KLHL3: variants seen among roughly 807,000 people sequenced by gnomAD.
KLHL3 encodes kelch like family member 3, also known as kelch-like protein 3.
In KLHL3, 19 loss-of-function variants were observed where a neutral mutation model predicts 70.5. The observed-to-expected ratio is 0.27, with a 90% CI of 0.19 to 0.40. KLHL3 has a LOEUF of 0.40. Among genes scored for constraint, KLHL3 ranks in the 10% least tolerant of loss-of-function variants. The pLI is 1.00. For synonymous variants in KLHL3, 258 were observed against 290.3 expected, an observed-to-expected ratio of 0.89 and a Z score of 1.13; for missense variants, 512 against 771.1, an observed-to-expected ratio of 0.66 and a Z score of 3.98.
intron 4 of KLHL3, among the ~76,000 whole-genome samples, chr5:137,695,656 C>T (rs1253877873): frequency 6.6e-6 from 1 of 152,128 alleles, no homozygotes; most frequent in Non-Finnish European, 1.5e-5. Context: ...AGCAATACAT[C>T]CATGAAATGA....
At chr5:137,663,134 T>C (rs1302373196) in intron 6 of KLHL3, among the ~76,000 whole-genome samples, 2 of 145,374 alleles carry the variant, frequency 1.4e-5, no homozygotes, top group Non-Finnish European at 3.0e-5. Flanking sequence ...CTTGGCTCAC[T>C]GCAACCTCCA....
chr5:137,727,621 A>ATTCCCCAC (rs1227746905), intron 1 of KLHL3, among the ~76,000 whole-genome samples: 1 of 152,078 alleles, frequency 6.6e-6, no homozygotes, highest in Non-Finnish European at 1.5e-5. Flanking sequence ...GTTCTATCTT[A>ATTCCCCAC]TTCCCCACTC....
intron 5 of KLHL3, among the ~76,000 whole-genome samples, chr5:137,688,459 A>C (rs1752242112): frequency 6.6e-6 from 1 of 152,244 alleles, no homozygotes; most frequent in Non-Finnish European, 1.5e-5. Flanking sequence ...AGATGATGAC[A>C]TACCCTGTGT....
intron 5 of KLHL3, among the ~76,000 whole-genome samples, chr5:137,686,561 C>T (rs1752167814): frequency 1.3e-5 from 2 of 152,214 alleles, no homozygotes; most frequent in South Asian, 4.1e-4. Context: ...GGCCTGGGTC[C>T]AGGGAGACCT....
intron 5 of KLHL3, among the ~76,000 whole-genome samples, chr5:137,687,148 C>T (rs1315439724): frequency 1.1e-3 from 76 of 69,278 alleles, no homozygotes; most frequent in African/African-American, 4.2e-3. Flanking sequence ...CCTGGCCAGC[C>T]GCCCCGTCCG....
At chr5:137,699,291 T>C (rs116611637) in intron 3 of KLHL3, among the ~76,000 whole-genome samples, 3,207 of 151,918 alleles carry the variant, frequency 0.021, 117 homozygotes, top group African/African-American at 0.073. Flanking sequence ...AAGAATAAAT[T>C]TTGGTGAAAT....
At chr5:137,677,196 C>T (rs1430324591) in intron 6 of KLHL3, among the ~76,000 whole-genome samples, 1 of 152,084 alleles carries the variant, frequency 6.6e-6, no homozygotes, top group African/African-American at 2.4e-5. Flanking sequence ...CCTGTCATCC[C>T]AGCATTTTGG....
intron 8 of KLHL3, among the ~76,000 whole-genome samples, chr5:137,654,130 C>G (rs546717080): frequency 6.6e-6 from 1 of 152,176 alleles, no homozygotes; most frequent in Non-Finnish European, 1.5e-5. Flanking sequence ...CACATGGAAA[C>G]TTTTTGTAGT....
At chr5:137,705,238 A>G (rs1477782969) in intron 3 of KLHL3, among the ~76,000 whole-genome samples, 1 of 152,226 alleles carries the variant, frequency 6.6e-6, no homozygotes, top group Non-Finnish European at 1.5e-5. Context: ...TATACCACAC[A>G]AACACTAGAA....
At chr5:137,662,094 A>G in intron 6 of KLHL3, 63 bp from the exon 7 acceptor site, 1 of 561,982 alleles carries the variant, frequency 1.8e-6, no homozygotes, top group South Asian at 2.8e-5. Flanking sequence ...ACAACCCTCA[A>G]TCTGTAAAAA....
chr5:137,724,848 T>C (rs993454955), intron 1 of KLHL3, among the ~76,000 whole-genome samples: 3 of 152,154 alleles, frequency 2.0e-5, no homozygotes, highest in African/African-American at 7.2e-5. Flanking sequence ...CAAAAATTCT[T>C]CACAAGACTG....
At chr5:137,706,928 G>C (rs1258445828) in intron 3 of KLHL3, among the ~76,000 whole-genome samples, 2 of 152,126 alleles carry the variant, frequency 1.3e-5, no homozygotes, top group Non-Finnish European at 2.9e-5. Context: ...GAAGTAATAA[G>C]ATGAGTAGTA....
intron 2 of KLHL3, among the ~76,000 whole-genome samples, chr5:137,713,946 A>G (rs1752846035): frequency 1.3e-5 from 2 of 152,132 alleles, no homozygotes; most frequent in African/African-American, 4.8e-5. Context: ...ACATATGTAC[A>G]CATGTGCCAT....
In KLHL3 at chr5:137,639,630, GT is replaced by G. The variant is rs1430135872; in HGVS notation, c.1021+229del. On this transcript the variant is annotated intron_variant, in intron 9 of 14. Transcript: ENST00000309755. The surrounding 1 kb of genome is among the most constrained non-coding windows in gnomAD (Gnocchi z 5.0). Reference sequence around the variant, plus strand: ...AATCACTTGAACCCAGGAGGCAGACGTTGCAGTGAGCCGAGATCATGACACT... The same window carrying G: ...AATCACTTGAACCCAGGAGGCAGACGTGCAGTGAGCCGAGATCATGACACT... 1.3e-5 allele frequency among the ~76,000 whole-genome samples: 2 copies of G among 151,052 alleles called. No homozygotes were observed. Among genetic ancestry groups the G allele is most frequent in the Non-Finnish European group, 2.9e-5 (2 of 67,884 alleles).
chr5:137,734,294 A>C (rs1470111330), intron 1 of KLHL3, among the ~76,000 whole-genome samples: 1 of 152,192 alleles, frequency 6.6e-6, no homozygotes, highest in Non-Finnish European at 1.5e-5. Flanking sequence ...CCCCACACTT[A>C]GGAAATAGGC....
intron 14 of KLHL3, among the ~76,000 whole-genome samples, chr5:137,622,679 A>G (rs1165584820): frequency 6.6e-6 from 1 of 152,262 alleles, no homozygotes; most frequent in South Asian, 2.1e-4. Context: ...GTCATCTAAG[A>G]GACCCTGCCA....
rs1263763601 is a variant in KLHL3 at position 137,678,593 on chromosome 5, C to A, written c.527-939G>T. ...GCCTCGGCCTCCTGAATAGCTGGGA[C>A]TATAGACACAAGCCACTGCACCTGA... On this transcript the variant is annotated intron_variant, in intron 5 of 14. Transcript: ENST00000309755. 2.6e-5 allele frequency among the ~76,000 whole-genome samples: 4 copies of A among 152,242 alleles called. No homozygotes were observed. The East Asian group carries it at 7.7e-4, about 29-fold the overall frequency.
intron 3 of KLHL3, chr5:137,706,310 T>C (rs184765165): frequency 1.0e-6 from 1 of 985,436 alleles, no homozygotes; most frequent in East Asian, 1.1e-4. Context: ...CAGTACACAA[T>C]GCATTTTACA....
intron 8 of KLHL3, among the ~76,000 whole-genome samples, chr5:137,648,625 T>C (rs1300125508): frequency 1.3e-5 from 2 of 152,218 alleles, no homozygotes; most frequent in African/African-American, 4.8e-5. Flanking sequence ...TGCTGTTAGC[T>C]GTTCCGGCTG....
Sources: allele counts gnomAD v4.1 joint callset (sites outside exome capture counted in the v4.1 genomes callset), GRCh38; gene constraint gnomAD v4.1.1; non-coding constraint Gnocchi (gnomAD v3.1); transcripts MANE v1.5; gene names NCBI Gene and HGNC (gene_info 2026-07-23, HGNC 2026-07-21).